Variants in FNDC1 observed in about 807,000 individuals in gnomAD.
FNDC1 encodes fibronectin type III domain-containing protein 1.
FNDC1 carries 96 observed loss-of-function variants against 168.0 expected under a neutral mutation model. The observed-to-expected ratio is 0.57, with a 90% confidence interval of 0.48 to 0.68. The LOEUF (loss-of-function observed/expected upper bound fraction) is 0.68, where lower values mean the gene tolerates loss of function less well. FNDC1 is among the 30% of genes least tolerant of loss of function. The pLI is 0.00. For missense variants in FNDC1, 2,587 were observed against 2,482.1 expected, an observed-to-expected ratio of 1.04 and a Z score of -0.90; for synonymous variants, 1,099 against 1,025.9, an observed-to-expected ratio of 1.07 and a Z score of -1.36.
intron 22 of FNDC1, among the ~76,000 whole-genome samples, chr6:159,269,593 GTCTGTC>G (rs1777697082): frequency 3.3e-5 from 4 of 122,196 alleles, no homozygotes; most frequent in African/African-American, 1.3e-4. Context: ...CTGTCTGTCT[GTCTGTC>G]TATCTATCTA....
chr6:159,190,618 G>T (rs1782115993), intron 1 of FNDC1, among the ~76,000 whole-genome samples: 1 of 152,232 alleles, frequency 6.6e-6, no homozygotes, highest in Non-Finnish European at 1.5e-5. Flanking sequence ...GAAGCACAAT[G>T]GTGGCCACAC....
chr6:159,235,429 C>A (rs1380774996), intron 11 of FNDC1, among the ~76,000 whole-genome samples: 1 of 152,080 alleles, frequency 6.6e-6, no homozygotes, highest in East Asian at 1.9e-4. Context: ...CTGTTTTAAT[C>A]AAACCTAGCA....
At chr6:159,250,493 C>T (rs983055811) in intron 16 of FNDC1, among the ~76,000 whole-genome samples, 5 of 152,168 alleles carry the variant, frequency 3.3e-5, no homozygotes, top group Non-Finnish European at 7.4e-5. Flanking sequence ...GAGAGTTTTG[C>T]ATATATAAAG....
At chr6:159,199,146 C>G (rs188506395) in intron 2 of FNDC1, among the ~76,000 whole-genome samples, 13 of 152,366 alleles carry the variant, frequency 8.5e-5, no homozygotes, top group Admixed American at 7.2e-4. Flanking sequence ...TTCGTCTCTT[C>G]AAGAAATTGG....
intron 9 of FNDC1, among the ~76,000 whole-genome samples, chr6:159,228,601 A>T (rs1783007347): frequency 6.6e-6 from 1 of 152,116 alleles, no homozygotes; most frequent in Non-Finnish European, 1.5e-5. Flanking sequence ...AAAAGAAAAG[A>T]TCATCCATGC....
At chr6:159,215,227 G>C (rs1782686050) in intron 5 of FNDC1, 76 bp downstream of exon 5, 4 of 1,311,748 alleles carry the variant, frequency 3.0e-6, no homozygotes, top group Non-Finnish European at 4.4e-6. Flanking sequence ...GCTCATTCAT[G>C]ACAGAGCATT....
chr6:159,169,680 C>A lies in FNDC1; in HGVS notation c.84C>A (p.Pro28=), dbSNP rs1003404090. The part of the protein sequence containing the change: ...AALLLLAALL[P]VASSAAASVD... ...TGCTGCTCTTGGCCGCGCTGCTCCC[C>A]GTCGCCTCCTCGGCGGCGGCCTCAG... The change falls in exon 1 of 23, where the codon CCC becomes CCA. Residue 28 remains proline, a synonymous_variant. Coordinates refer to ENST00000297267, the MANE Select transcript of FNDC1 (RefSeq NM_032532.3). This position sits in a 1 kb window ranked among gnomAD's most constrained non-coding sequence, Gnocchi z 6.8. 1 of 1,162,416 alleles carries A rather than the reference C, an allele frequency of 8.6e-7. No homozygotes were observed. Among genetic ancestry groups the A allele is most frequent in the South Asian group, 4.2e-5 (1 of 23,754 alleles). The allele number at this position is 1,162,416 out of a possible 1,614,324, so 72.0% of individuals were successfully genotyped here.
chr6:159,234,362 C>T lies in FNDC1; in HGVS notation c.3850C>T (p.Arg1284Cys). The T allele has an allele frequency of 1.2e-6, 2 of 1,612,298 alleles. No homozygotes were observed. The highest frequency in any genetic ancestry group is 1.7e-6 in the Non-Finnish European group (2 of 1,179,230). ...CCACCCCTGGCCGCAGTACACCACG[C>T]GCGCCCCACCTGGCCACTTCTCCAC... ...GTHPWPQYTT[R>C]APPGHFSTTP... The change falls in exon 11 of 23, where the codon CGC becomes TGC. Residue 1284 changes from arginine (R) to cysteine (C), a missense_variant. Physicochemically the swap from Arg to Cys is radical, Grantham distance 180. Coordinates refer to ENST00000297267, the MANE Select transcript of FNDC1 (RefSeq NM_032532.3).
intron 22 of FNDC1, among the ~76,000 whole-genome samples, chr6:159,270,299 A>G (rs888239481): frequency 1.4e-4 from 21 of 152,382 alleles, no homozygotes; most frequent in Non-Finnish European, 2.4e-4. Context: ...AAGAAATACA[A>G]TAATAAATGG....
intron 17 of FNDC1, among the ~76,000 whole-genome samples, chr6:159,255,797 T>A (rs769481389): frequency 2.0e-5 from 3 of 152,210 alleles, no homozygotes; most frequent in Non-Finnish European, 4.4e-5. Flanking sequence ...TCCTTCTGTG[T>A]ACACATAAAA....
intron 12 of FNDC1, among the ~76,000 whole-genome samples, chr6:159,237,648 T>G (rs941465173): frequency 6.6e-6 from 1 of 152,224 alleles, no homozygotes; most frequent in African/African-American, 2.4e-5. Flanking sequence ...TGCTAGCAAT[T>G]CACATTCATT....
intron 1 of FNDC1, among the ~76,000 whole-genome samples, chr6:159,185,850 T>C (rs978112493): frequency 1.4e-4 from 22 of 152,164 alleles, no homozygotes; most frequent in South Asian, 4.1e-4. Context: ...CTGGCCTCTG[T>C]AGTAGAAGGC....
chr6:159,169,600 G>GC lies in FNDC1; in HGVS notation c.9dup (p.Glu4ArgfsTer35). 2 of 1,111,980 alleles carry GC rather than the reference G, an allele frequency of 1.8e-6. No homozygotes were observed. Among genetic ancestry groups the GC allele is most frequent in the Non-Finnish European group, 1.1e-6 (1 of 911,490 alleles). 68.9% of individuals were successfully genotyped at this position (1,111,980 alleles called of 1,614,324 possible). A position where few individuals can be genotyped will look rare whatever the true frequency, so the allele number is the denominator to read the frequency against. ...CCCGGCCCACCCCGGGCTCTCGATG[G>GC]CCCCCGAGGCCGGGGCGACCCTGCG... is the stretch of plus-strand genomic sequence containing the variant. On this transcript the variant is annotated frameshift_variant, in exon 1 of 23. Transcript: ENST00000297267. LOFTEE classifies it high-confidence loss of function. The surrounding 1 kb of genome is among the most constrained non-coding windows in gnomAD (Gnocchi z 6.8).
chr6:159,243,507 T>G (rs890772705), intron 14 of FNDC1, among the ~76,000 whole-genome samples: 1 of 152,208 alleles, frequency 6.6e-6, no homozygotes, highest in Admixed American at 6.5e-5. Context: ...AGCAAAAGCC[T>G]TACTTCTTTG....
At chr6:159,174,877 C>T (rs1179536045) in intron 1 of FNDC1, among the ~76,000 whole-genome samples, 1 of 152,094 alleles carries the variant, frequency 6.6e-6, no homozygotes, top group Admixed American at 6.6e-5. Context: ...CCTCCTTGGC[C>T]CTGATGGGTC....
intron 19 of FNDC1, among the ~76,000 whole-genome samples, chr6:159,263,086 G>T (rs1777520423): frequency 6.6e-6 from 1 of 152,230 alleles, no homozygotes; most frequent in Admixed American, 6.5e-5. Context: ...TGAGTTCAGG[G>T]TTTTGTCGTC....
chr6:159,211,534 C>T (rs1044819360), intron 4 of FNDC1, among the ~76,000 whole-genome samples: 6 of 152,218 alleles, frequency 3.9e-5, no homozygotes, highest in African/African-American at 1.4e-4. Context: ...GGCAATAAGC[C>T]CTCTCTTTTG....
At chr6:159,235,509 A>G (rs1783231616) in intron 11 of FNDC1, among the ~76,000 whole-genome samples, 1 of 152,190 alleles carries the variant, frequency 6.6e-6, no homozygotes. Context: ...TTTAATAAAT[A>G]AATGAAGGAA....
chr6:159,246,158 A>C (rs1783533795), intron 14 of FNDC1, among the ~76,000 whole-genome samples: 1 of 152,216 alleles, frequency 6.6e-6, no homozygotes, highest in Admixed American at 6.5e-5. Flanking sequence ...CTGTAGTCAA[A>C]ATAGATCTAT....
Sources: gnomAD v4.1 joint callset for allele counts (sites outside exome capture counted in the v4.1 genomes callset) on GRCh38, gnomAD v4.1.1 for gene constraint, Gnocchi (gnomAD v3.1) non-coding constraint, MANE v1.5 for transcripts, NCBI Gene and HGNC (gene_info 2026-07-23, HGNC 2026-07-21) for gene names.